Variants in GRIK1 observed in about 807,000 individuals in gnomAD.
The protein encoded by GRIK1 is glutamate receptor ionotropic, kainate 1.
Under a neutral mutation model 105.7 loss-of-function variants are expected in GRIK1, and 69 were observed. That is an observed-to-expected ratio of 0.65 (90% CI 0.54 to 0.80). GRIK1 has a LOEUF of 0.80. Ranked by LOEUF, GRIK1 falls within the 30% of genes least tolerant of loss-of-function variation. The probability of loss-of-function intolerance (pLI) is 0.00; values close to 1 mark genes in which losing one functional copy is unlikely to be tolerated. For synonymous variants in GRIK1, 438 were observed against 431.3 expected (o/e 1.02, Z -0.19); for missense variants, 1,109 against 1,167.3 (o/e 0.95, Z 0.73).
chr21:29,866,505 C>T (rs139047591), intron 1 of GRIK1, among the ~76,000 whole-genome samples: 1,976 of 152,172 alleles, frequency 0.013, 46 homozygotes, highest in African/African-American at 0.044. Flanking sequence ...CCATTAGTTA[C>T]TGTTTGACAT....
intron 1 of GRIK1, among the ~76,000 whole-genome samples, chr21:29,831,685 A>C (rs1249127144): frequency 6.6e-6 from 1 of 152,100 alleles, no homozygotes; most frequent in Non-Finnish European, 1.5e-5. Context: ...CCCCATGATC[A>C]AAACACCACC....
At chr21:29,915,383 T>A (rs575578480) in intron 1 of GRIK1, among the ~76,000 whole-genome samples, 2 of 152,052 alleles carry the variant, frequency 1.3e-5, no homozygotes, top group South Asian at 4.1e-4. Flanking sequence ...AATTTAAATT[T>A]GATACAACTA....
chr21:29,746,097 C>G (rs558572210), intron 1 of GRIK1, among the ~76,000 whole-genome samples: 14 of 151,824 alleles, frequency 9.2e-5, no homozygotes, highest in Admixed American at 7.9e-4. Context: ...GAGCGGGACT[C>G]CGTTTCAAAA....
chr21:29,882,637 AG>A (rs1212267943), intron 1 of GRIK1, among the ~76,000 whole-genome samples: 2 of 152,154 alleles, frequency 1.3e-5, no homozygotes, highest in African/African-American at 2.4e-5. Context: ...AAAGGGAAAA[AG>A]CTTATCAAAT....
intron 1 of GRIK1, among the ~76,000 whole-genome samples, chr21:29,906,669 G>A (rs1021211766): frequency 9.9e-5 from 15 of 152,196 alleles, no homozygotes; most frequent in African/African-American, 2.2e-4. Context: ...TAATTCAGGA[G>A]GGGAAATAAA....
At chr21:29,829,245 T>C (rs1049664709) in intron 1 of GRIK1, among the ~76,000 whole-genome samples, 1 of 152,186 alleles carries the variant, frequency 6.6e-6, no homozygotes, top group East Asian at 1.9e-4. Context: ...CTCATATTCA[T>C]CACTTTTAAA....
chr21:29,620,338 T>A (rs2061957054), intron 7 of GRIK1, among the ~76,000 whole-genome samples: 1 of 152,198 alleles, frequency 6.6e-6, no homozygotes, highest in Admixed American at 6.5e-5. Context: ...GGTGATTTCA[T>A]GCAAGGTTTA....
intron 16 of GRIK1, among the ~76,000 whole-genome samples, chr21:29,538,884 T>A (rs928682504): frequency 1.3e-5 from 2 of 152,214 alleles, no homozygotes; most frequent in Admixed American, 6.5e-5. Flanking sequence ...TTTCTATTTT[T>A]AAATTTTTTC....
chr21:29,693,690 C>T (rs992319068), intron 2 of GRIK1, among the ~76,000 whole-genome samples: 4 of 152,092 alleles, frequency 2.6e-5, no homozygotes, highest in African/African-American at 9.7e-5. Context: ...AGGGTAAGCT[C>T]ATCAGAAAGG....
intron 1 of GRIK1, among the ~76,000 whole-genome samples, chr21:29,898,009 C>T (rs51616): frequency 0.22 from 33,636 of 152,102 alleles, 4,242 homozygotes; most frequent in African/African-American, 0.34. Flanking sequence ...ATTAAAGTAA[C>T]TTGCCCTAGT....
In GRIK1 at chr21:29,845,108, A is replaced by G. The variant is rs574583466; in HGVS notation, c.118+94275T>C. 3.8e-4 allele frequency among the ~76,000 whole-genome samples: 58 copies of G among 152,242 alleles called. 1 individual carries two copies. The South Asian group carries it at 0.011, about 29-fold the overall frequency. On this transcript the variant is annotated intron_variant, in intron 1 of 17. Transcript: ENST00000327783. ...ACTTCACTAGAATATGTTTATGATG[A>G]TTGCAATGTTAAAATTTTTCCAGAA...
chr21:29,553,531 TC>T, intron 16 of GRIK1: 2 of 1,490,272 alleles, frequency 1.3e-6, no homozygotes, highest in South Asian at 1.3e-5. Flanking sequence ...ACTGGGCACA[TC>T]TTTTTTTTTT....
At chr21:29,880,104 A>G (rs2069348798) in intron 1 of GRIK1, among the ~76,000 whole-genome samples, 1 of 152,138 alleles carries the variant, frequency 6.6e-6, no homozygotes, top group South Asian at 2.1e-4. Flanking sequence ...GCTTCACTGT[A>G]TTTCAAACAT....
chr21:29,818,897 C>G (rs1012095924), intron 1 of GRIK1, among the ~76,000 whole-genome samples: 2 of 151,996 alleles, frequency 1.3e-5, no homozygotes, highest in African/African-American at 4.8e-5. Context: ...TGGAATATGG[C>G]CAGGAGCATT....
intron 9 of GRIK1, chr21:29,596,103 C>T (rs1287590365): frequency 6.5e-6 from 2 of 308,516 alleles, no homozygotes; most frequent in East Asian, 1.7e-4. Context: ...GTGTCCTAGC[C>T]TTCTGAGGCT....
In GRIK1 at chr21:29,898,202, C is replaced by T. The variant is rs572798159; in HGVS notation, c.118+41181G>A. Among the ~76,000 whole-genome samples the T allele has an allele frequency of 2.0e-5, 3 of 152,288 alleles. No individual in the cohort carries two copies. The South Asian group carries it at 6.2e-4, about 32-fold the overall frequency. ...TACTTTAAATTACTTGTTTCTGCAG[C>T]AGATACCTTTATTCTACCAGCTGCA... On this transcript the variant is annotated intron_variant, in intron 1 of 17. Coordinates refer to ENST00000327783, the MANE Select transcript of GRIK1 (RefSeq NM_001330994.2).
chr21:29,807,020 C>G (rs1005089612), intron 1 of GRIK1, among the ~76,000 whole-genome samples: 1 of 152,144 alleles, frequency 6.6e-6, no homozygotes, highest in Non-Finnish European at 1.5e-5. Flanking sequence ...CTTTTCCATA[C>G]GACTTGATTC....
At chr21:29,571,354 TA>T (rs978532987) in intron 14 of GRIK1, among the ~76,000 whole-genome samples, 21 of 144,086 alleles carry the variant, frequency 1.5e-4, no homozygotes, top group Admixed American at 1.4e-4. Context: ...AAGACTCCAT[TA>T]AAAAAAAAAG....
intron 1 of GRIK1, among the ~76,000 whole-genome samples, chr21:29,708,282 C>A (rs142929137): frequency 6.6e-6 from 1 of 152,168 alleles, no homozygotes; most frequent in Non-Finnish European, 1.5e-5. Context: ...AATTTTAAAT[C>A]ACTTGTTCCT....
Sources: allele counts gnomAD v4.1 joint callset (sites outside exome capture counted in the v4.1 genomes callset), GRCh38; gene constraint gnomAD v4.1.1; transcripts MANE v1.5; gene names NCBI Gene and HGNC (gene_info 2026-07-23, HGNC 2026-07-21).